Variants in INPP5D observed in about 807,000 individuals in gnomAD.
INPP5D encodes phosphatidylinositol 3,4,5-trisphosphate 5-phosphatase 1.
INPP5D carries 33 observed loss-of-function variants against 122.9 expected under a neutral mutation model. That is an observed-to-expected ratio of 0.27 (90% CI 0.20 to 0.36). The LOEUF (loss-of-function observed/expected upper bound fraction) is 0.36. INPP5D is among the 10% of genes least tolerant of loss of function. INPP5D has a pLI of 1.00. For synonymous variants in INPP5D, 584 were observed against 576.2 expected (o/e 1.01, Z -0.19); for missense variants, 1,053 against 1,412.7 (o/e 0.75, Z 4.08).
At chr2:233,163,932 C>A in intron 12 of INPP5D, 29 bp downstream of exon 12, 1 of 1,608,584 alleles carries the variant, frequency 6.2e-7, no homozygotes, top group Non-Finnish European at 8.5e-7. Flanking sequence ...GCTGGGTGGG[C>A]TTCCGGGATA....
rs1206664203 is a variant in INPP5D at position 233,197,723 on chromosome 2, C to G, written c.2694-372C>G. ...TCACCCAATGCCCAGTTGGTCCCAA[C>G]ACTTCACTAGTCCCCATCTCTGCCC... On this transcript the variant is annotated intron_variant, in intron 24 of 26. Coordinates refer to ENST00000445964, the MANE Select transcript of INPP5D (RefSeq NM_001017915.3). The surrounding 1 kb of genome is among the most constrained non-coding windows in gnomAD (Gnocchi z 4.4). Among the ~76,000 whole-genome samples the G allele has an allele frequency of 6.6e-6, 1 of 152,228 alleles. No homozygotes were observed. The highest frequency in any genetic ancestry group is 1.5e-5 in the Non-Finnish European group (1 of 68,048).
intron 9 of INPP5D, among the ~76,000 whole-genome samples, chr2:233,149,100 CT>C (rs556971192): frequency 0.015 from 1,562 of 105,918 alleles, 14 homozygotes; most frequent in Admixed American, 0.036. Flanking sequence ...TGATCAGCAC[CT>C]TTTTTTTTTT....
chr2:233,178,551 C>T (rs879681430), intron 18 of INPP5D, among the ~76,000 whole-genome samples: 1 of 152,010 alleles, frequency 6.6e-6, no homozygotes, highest in East Asian at 1.9e-4. Context: ...GGCAAAATCT[C>T]GGCTCCCTGC....
rs1392184200 is a variant in INPP5D at position 233,160,305 on chromosome 2, A to C, written c.1138-1419A>C. On this transcript the variant is annotated intron_variant, in intron 10 of 26. Coordinates refer to ENST00000445964, the MANE Select transcript of INPP5D (RefSeq NM_001017915.3). The surrounding 1 kb of genome is among the most constrained non-coding windows in gnomAD (Gnocchi z 4.2). ...CCCTGAAATTTGTGTACTTTGTTAAAGTCCGCCTGCTCTATTGATTGCATC... is the reference window on the plus strand; with the variant it reads ...CCCTGAAATTTGTGTACTTTGTTAACGTCCGCCTGCTCTATTGATTGCATC... 6.6e-6 allele frequency among the ~76,000 whole-genome samples: 1 copy of C among 152,234 alleles called. No homozygotes were observed. The highest frequency in any genetic ancestry group is 2.4e-5 in the African/African-American group (1 of 41,466).
In INPP5D at chr2:233,083,364, C is replaced by T. The variant is rs1209687301; in HGVS notation, c.198+3966C>T. 2.0e-5 allele frequency among the ~76,000 whole-genome samples: 3 copies of T among 152,162 alleles called. No homozygotes were observed. In the East Asian group the frequency reaches 5.8e-4, roughly 29 times the overall value. ...GCTATGGGCTTCATGTCTTCAGGGA[C>T]CTGAGTACGCTCTGGAACTGTTAAG... On this transcript the variant is annotated intron_variant, in intron 2 of 26. Transcript: ENST00000445964.
intron 11 of INPP5D, among the ~76,000 whole-genome samples, chr2:233,163,280 G>A (rs1050089740): frequency 6.6e-6 from 1 of 152,122 alleles, no homozygotes; most frequent in Non-Finnish European, 1.5e-5. Flanking sequence ...CTCTGGGCTG[G>A]GATCTGTCTT....
intron 2 of INPP5D, among the ~76,000 whole-genome samples, chr2:233,102,884 C>T (rs1487314806): frequency 6.6e-6 from 1 of 151,290 alleles, no homozygotes; most frequent in Non-Finnish European, 1.5e-5. Flanking sequence ...AACCACAGCG[C>T]CTTCTCACTA....
intron 5 of INPP5D, among the ~76,000 whole-genome samples, chr2:233,131,351 A>AC (rs112295100): frequency 0.038 from 5,858 of 152,244 alleles, 135 homozygotes; most frequent in African/African-American, 0.055. Flanking sequence ...AAACAAAAAA[A>AC]ATTCCAGAGC....
At position 233,194,370 on chromosome 2, in the gene INPP5D, C is replaced by T. The variant is rs181407824; in HGVS notation, c.2596+409C>T. On this transcript the variant is annotated intron_variant, in intron 23 of 26. Coordinates refer to ENST00000445964, the MANE Select transcript of INPP5D (RefSeq NM_001017915.3). ...CAGATGAGATTTAGAATTTCTTGGG[C>T]GACCTCTGCTTGCCCACACGGCCAC... Among the ~76,000 whole-genome samples the T allele has an allele frequency of 4.6e-5, 7 of 152,218 alleles. No homozygotes were observed. The East Asian group carries it at 9.7e-4, about 21-fold the overall frequency.
chr2:233,095,061 A>G (rs1030598403), intron 2 of INPP5D, among the ~76,000 whole-genome samples: 2 of 152,226 alleles, frequency 1.3e-5, no homozygotes, highest in African/African-American at 2.4e-5. Flanking sequence ...AACCATGATG[A>G]AGAGGGAACT....
intron 2 of INPP5D, among the ~76,000 whole-genome samples, chr2:233,116,225 GTAGA>G (rs1553575234): frequency 5.3e-4 from 71 of 133,904 alleles, no homozygotes; most frequent in Admixed American, 1.5e-3. Flanking sequence ...AGATATATAT[GTAGA>G]TAGATAGATA....
chr2:233,070,249 AT>A (rs201204376), intron 1 of INPP5D, among the ~76,000 whole-genome samples: 25 of 151,330 alleles, frequency 1.7e-4, no homozygotes, highest in East Asian at 7.8e-4. Flanking sequence ...AAGTTTTATG[AT>A]TTTTTTTTGA....
At chr2:233,092,594 A>G (rs1212674407) in intron 2 of INPP5D, among the ~76,000 whole-genome samples, 1 of 152,148 alleles carries the variant, frequency 6.6e-6, no homozygotes, top group African/African-American at 2.4e-5. Context: ...GTTTAAATGG[A>G]GCTGCATGTA....
intron 22 of INPP5D, among the ~76,000 whole-genome samples, chr2:233,191,063 T>A (rs1695044227): frequency 6.6e-6 from 1 of 152,216 alleles, no homozygotes; most frequent in Admixed American, 6.5e-5. Flanking sequence ...TAGTCTGTTC[T>A]CATGTTGCTG....
chr2:233,164,004 T>A lies in INPP5D; in HGVS notation c.1437+101T>A. ...GTGGGCTCAGCCTATCAGCTCTCAG[T>A]TTTCAAGGATGTCTGGAGGCCCCCA... On this transcript the variant is annotated intron_variant, in intron 12 of 26. Transcript: ENST00000445964. The surrounding 1 kb of genome is among the most constrained non-coding windows in gnomAD (Gnocchi z 4.3). 1 of 1,480,334 alleles carries A rather than the reference T, an allele frequency of 6.8e-7. No individual in the cohort carries two copies. The highest frequency in any genetic ancestry group is 9.0e-7 in the Non-Finnish European group (1 of 1,116,800). The allele number at this position is 1,480,334 out of a possible 1,614,324, so 91.7% of individuals were successfully genotyped here.
At chr2:233,114,317 C>T (rs997709284) in intron 2 of INPP5D, among the ~76,000 whole-genome samples, 2 of 152,178 alleles carry the variant, frequency 1.3e-5, no homozygotes, top group African/African-American at 4.8e-5. Flanking sequence ...CACGTGGGGC[C>T]CTATGATTCT....
At position 233,164,225 on chromosome 2, in the gene INPP5D, G is replaced by A. The variant is rs554729029; in HGVS notation, c.1438-82G>A. 4.2e-5 allele frequency: 62 copies of A among 1,475,424 alleles called. No individual in the cohort carries two copies. The Admixed American group carries it at 1.1e-3, about 27-fold the overall frequency. The allele number at this position is 1,475,424 out of a possible 1,614,324, so 91.4% of individuals were successfully genotyped here. On this transcript the variant is annotated intron_variant, in intron 12 of 26. Transcript: ENST00000445964. This position sits in a 1 kb window ranked among gnomAD's most constrained non-coding sequence, Gnocchi z 4.3. ...AGGATACCCCATACCCAGGGGCTGC[G>A]GCTGGGGCTGGGTGTGAATCACTGT...
intron 2 of INPP5D, among the ~76,000 whole-genome samples, chr2:233,103,650 T>C (rs1692379521): frequency 6.6e-6 from 1 of 151,564 alleles, no homozygotes; most frequent in Non-Finnish European, 1.5e-5. Context: ...CCTGGCTGCC[T>C]GCCGAGGGGG....
intron 2 of INPP5D, among the ~76,000 whole-genome samples, chr2:233,089,187 G>A (rs1052429455): frequency 6.6e-6 from 1 of 152,100 alleles, no homozygotes; most frequent in Non-Finnish European, 1.5e-5. Context: ...GACACGGGAG[G>A]GACCAGCGGG....
Sources: gnomAD v4.1 joint callset for allele counts (sites outside exome capture counted in the v4.1 genomes callset) on GRCh38, gnomAD v4.1.1 for gene constraint, Gnocchi (gnomAD v3.1) non-coding constraint, MANE v1.5 for transcripts, NCBI Gene and HGNC (gene_info 2026-07-23, HGNC 2026-07-21) for gene names.